DCUN1D4: variants seen among roughly 807,000 people sequenced by gnomAD.
DCUN1D4 encodes defective in cullin neddylation 1 domain containing 4.
Under a neutral mutation model 47.9 loss-of-function variants are expected in DCUN1D4, and 22 were observed. The observed-to-expected ratio is 0.46, with a 90% confidence interval of 0.33 to 0.66. DCUN1D4 has a LOEUF of 0.66. DCUN1D4 is among the 30% of genes least tolerant of loss of function. The pLI is 0.02. For missense variants in DCUN1D4, 301 were observed against 340.8 expected (o/e 0.88, Z 0.92); for synonymous variants, 121 against 112.2 (o/e 1.08, Z -0.50).
At chr4:51,834,810 G>A in the DCUN1D4 span, among the ~76,000 whole-genome samples, 3 of 152,104 alleles carry the variant, frequency 2.0e-5, no homozygotes, top group Non-Finnish European at 4.4e-5. Context: ...AGCAAATGAC[G>A]CACGTCTGAT....
chr4:51,882,169 C>T (rs1560489790), intron 5 of DCUN1D4, among the ~76,000 whole-genome samples: 1 of 152,078 alleles, frequency 6.6e-6, no homozygotes, highest in East Asian at 1.9e-4. Context: ...ATAAGTAGTA[C>T]AGCAACACTA....
intron 8 of DCUN1D4, chr4:51,905,241 G>T (rs775482715): frequency 2.2e-6 from 1 of 453,814 alleles, no homozygotes; most frequent in South Asian, 1.6e-5. Context: ...TCTGGTCCAG[G>T]CCTGTCAATG....
rs1416152041 is a variant in DCUN1D4 at position 51,874,339 on chromosome 4, C to A, written c.205C>A (p.Pro69Thr). The A allele has an allele frequency of 3.7e-6, 6 of 1,613,664 alleles. No homozygotes were observed. The highest frequency in any genetic ancestry group is 5.1e-6 in the Non-Finnish European group (6 of 1,179,908). Residue 69 changes from proline to threonine, a missense_variant, in exon 4 of 11, where the codon CCT (proline) becomes ACT (threonine). Physicochemically the swap from Pro to Thr is conservative, Grantham distance 38 (BLOSUM62 -1). Coordinates refer to ENST00000334635, the MANE Select transcript of DCUN1D4 (RefSeq NM_001040402.3). ...GATGCCACCAAGGAAAAAGAGAAGA[C>A]CTGCCTCTGGAGATGATTTATCTGC... ...KVMPPRKKRR[P>T]ASGDDLSAKK...
intron 3 of DCUN1D4, among the ~76,000 whole-genome samples, chr4:51,872,856 T>C (rs968517085): frequency 3.3e-5 from 5 of 152,226 alleles, no homozygotes; most frequent in African/African-American, 1.2e-4. Flanking sequence ...CAGTGAATGC[T>C]GAAGGCCGCC....
At chr4:51,899,696 G>C (rs562555703) in intron 8 of DCUN1D4, among the ~76,000 whole-genome samples, 14 of 152,130 alleles carry the variant, frequency 9.2e-5, no homozygotes, top group Non-Finnish European at 1.8e-4. Flanking sequence ...CCTTCTCACA[G>C]AACAACAAAC....
intron 7 of DCUN1D4, among the ~76,000 whole-genome samples, chr4:51,895,930 G>A (rs1731198739): frequency 6.6e-6 from 1 of 152,108 alleles, no homozygotes; most frequent in Non-Finnish European, 1.5e-5. Context: ...TCACATTGGT[G>A]GCTTACATGT....
At chr4:51,909,181 A>G (rs868663227) in intron 8 of DCUN1D4, among the ~76,000 whole-genome samples, 7 of 152,158 alleles carry the variant, frequency 4.6e-5, no homozygotes, top group East Asian at 1.9e-4. Context: ...TGACGGGGAC[A>G]TAGGTATTGA....
chr4:51,911,010 A>G (rs547767515), intron 8 of DCUN1D4, 60 bp from the exon 9 acceptor site: 25 of 1,494,258 alleles, frequency 1.7e-5, no homozygotes, highest in South Asian at 1.6e-4. Context: ...CACATTTGCA[A>G]TTATTGGAAT....
At chr4:51,886,069 A>G (rs1422367132) in intron 5 of DCUN1D4, among the ~76,000 whole-genome samples, 4 of 152,250 alleles carry the variant, frequency 2.6e-5, no homozygotes, top group Admixed American at 1.3e-4. Context: ...CGCTTCCTTC[A>G]GGAAGAATCA....
upstream of DCUN1D4, among the ~76,000 whole-genome samples, chr4:51,840,482 T>C (rs1721601275): frequency 6.6e-6 from 1 of 152,256 alleles, no homozygotes; most frequent in South Asian, 2.1e-4. Context: ...ATTTAAGCCC[T>C]GTTTTGTTAT....
intron 7 of DCUN1D4, among the ~76,000 whole-genome samples, chr4:51,896,752 A>G (rs1199523738): frequency 1.3e-5 from 2 of 151,986 alleles, no homozygotes; most frequent in African/African-American, 4.8e-5. Flanking sequence ...CTGGCTCTCA[A>G]TATCTCTTTT....
chr4:51,838,049 C>T (rs1056774198), upstream of DCUN1D4, among the ~76,000 whole-genome samples: 20 of 152,158 alleles, frequency 1.3e-4, no homozygotes. Context: ...TGGTGGCACA[C>T]GCATGTAGTC....
At chr4:51,854,473 C>T (rs1266947339) in intron 1 of DCUN1D4, among the ~76,000 whole-genome samples, 5 of 152,130 alleles carry the variant, frequency 3.3e-5, no homozygotes, top group Admixed American at 2.6e-4. Context: ...CTACTGTAAC[C>T]CTCCAGGATA....
At chr4:51,885,653 C>T (rs554809669) in intron 5 of DCUN1D4, among the ~76,000 whole-genome samples, 1 of 152,094 alleles carries the variant, frequency 6.6e-6, no homozygotes, top group South Asian at 2.1e-4. Flanking sequence ...TGGGTAGGAC[C>T]CGAGACCTTG....
At chr4:51,867,136 G>A (rs1726068685) in intron 3 of DCUN1D4, among the ~76,000 whole-genome samples, 2 of 152,248 alleles carry the variant, frequency 1.3e-5, no homozygotes, top group Non-Finnish European at 2.9e-5. Flanking sequence ...CACCAGCTCT[G>A]TGCGAGGCTG....
At chr4:51,852,474 A>G (rs1723516258) in intron 1 of DCUN1D4, among the ~76,000 whole-genome samples, 1 of 152,170 alleles carries the variant, frequency 6.6e-6, no homozygotes, top group Admixed American at 6.5e-5. Context: ...GCAATTCCCA[A>G]AATTAAGCCA....
chr4:51,871,894 A>G (rs1726953950), intron 3 of DCUN1D4, among the ~76,000 whole-genome samples: 1 of 152,108 alleles, frequency 6.6e-6, no homozygotes, highest in South Asian at 2.1e-4. Flanking sequence ...AGGGAAGATG[A>G]ATGGGGTGTG....
intron 1 of DCUN1D4, among the ~76,000 whole-genome samples, chr4:51,847,713 T>C (rs953110911): frequency 1.3e-5 from 2 of 152,018 alleles, no homozygotes; most frequent in African/African-American, 4.8e-5. Flanking sequence ...CCTCAGTCTC[T>C]GAGTAGCTGA....
At chr4:51,854,025 C>T (rs1456759868) in intron 1 of DCUN1D4, among the ~76,000 whole-genome samples, 1 of 152,312 alleles carries the variant, frequency 6.6e-6, no homozygotes, top group Middle Eastern at 3.4e-3. Flanking sequence ...AAAGAAATTC[C>T]TACTTGTAGC....
Sources: gnomAD v4.1 joint callset for allele counts (sites outside exome capture counted in the v4.1 genomes callset) on GRCh38, gnomAD v4.1.1 for gene constraint, MANE v1.5 for transcripts, NCBI Gene and HGNC (gene_info 2026-07-23, HGNC 2026-07-21) for gene names.